The following PCCA variants were observed in gnomAD, a reference collection of about 807,000 sequenced individuals.
PCCA encodes the protein propionyl-CoA carboxylase alpha chain, mitochondrial.
In PCCA, 74 loss-of-function variants were observed where a neutral mutation model predicts 101.3. The ratio of observed to expected loss-of-function variants is 0.73; its 90% CI spans 0.61 to 0.89. The LOEUF (loss-of-function observed/expected upper bound fraction) is 0.89. Among genes scored for constraint, PCCA ranks in the 40% least tolerant of loss-of-function variants. The pLI is 0.00. For missense variants in PCCA, 891 were observed against 907.0 expected, an observed-to-expected ratio of 0.98 and a Z score of 0.23; for synonymous variants, 294 against 313.6, an observed-to-expected ratio of 0.94 and a Z score of 0.66.
At chr13:100,404,247 A>G (rs1230946980) in intron 19 of PCCA, among the ~76,000 whole-genome samples, 1 of 152,168 alleles carries the variant, frequency 6.6e-6, no homozygotes, top group Non-Finnish European at 1.5e-5. Context: ...GCACAGGGAG[A>G]AGGAGGCCAA....
At chr13:100,150,639 T>A (rs1191320373) in intron 4 of PCCA, 1 of 1,282,876 alleles carries the variant, frequency 7.8e-7, no homozygotes, top group African/African-American at 1.5e-5. Context: ...TGGACTGATT[T>A]GGTGATCCAT....
intron 8 of PCCA, among the ~76,000 whole-genome samples, chr13:100,236,315 A>G (rs1037266366): frequency 1.3e-5 from 2 of 152,182 alleles, no homozygotes; most frequent in Admixed American, 6.5e-5. Flanking sequence ...GTTAGATGGG[A>G]AAGATAAAAT....
rs1461338048 is a variant in PCCA, at chr13:100,517,289, C to T, written c.2040+1722C>T. 3.3e-5 allele frequency among the ~76,000 whole-genome samples: 5 copies of T among 152,208 alleles called. No homozygotes were observed. The East Asian group carries it at 7.7e-4, about 23-fold the overall frequency. On this transcript the variant is annotated intron_variant, in intron 22 of 23. Transcript: ENST00000376285. The stretch of plus-strand genomic sequence containing the variant: ...AAACGGGGCGCTCCCAAGGCCAGAT[C>T]AGCGCAGCCTTCTGGTTTCTTTAAC...
In PCCA at chr13:100,419,828, GAGA is replaced by G. The variant is rs547579672; in HGVS notation, c.1747-5799_1747-5797del. On this transcript the variant is annotated intron_variant, in intron 19 of 23. Transcript: ENST00000376285. ...GGCCTATGGCTTCGATTTTGGTAAA[GAGA>G]AGAAGTCATCTGCTGAGAGTAGGGG... Among the ~76,000 whole-genome samples the G allele has an allele frequency of 1.8e-4, 27 of 152,362 alleles. No individual in the cohort carries two copies. The South Asian group carries it at 5.2e-3, about 29-fold the overall frequency.
intron 6 of PCCA, among the ~76,000 whole-genome samples, chr13:100,206,009 C>T (rs2058829362): frequency 6.6e-6 from 1 of 152,106 alleles, no homozygotes; most frequent in Non-Finnish European, 1.5e-5. Context: ...TCTCCTCATA[C>T]AGAGCAGCGC....
intron 21 of PCCA, among the ~76,000 whole-genome samples, chr13:100,495,442 G>A (rs533428440): frequency 6.6e-6 from 1 of 152,226 alleles, no homozygotes; most frequent in Non-Finnish European, 1.5e-5. Flanking sequence ...TTCTATTTTT[G>A]TTAACTTGTA....
At chr13:100,527,215 A>G (rs1446435633) in intron 22 of PCCA, 4 of 457,624 alleles carry the variant, frequency 8.7e-6, no homozygotes, top group Non-Finnish European at 1.8e-5. Flanking sequence ...TGTCACCACA[A>G]TCAATTTTGG....
chr13:100,197,715 C>T (rs1219596393), intron 6 of PCCA, among the ~76,000 whole-genome samples: 1 of 152,134 alleles, frequency 6.6e-6, no homozygotes, highest in Admixed American at 6.6e-5. Context: ...CCACTGTGCC[C>T]AGCCTTATCT....
chr13:100,520,042 T>G (rs1164892698), intron 22 of PCCA, among the ~76,000 whole-genome samples: 1 of 152,240 alleles, frequency 6.6e-6, no homozygotes, highest in East Asian at 1.9e-4. Context: ...CACCCAAACC[T>G]CAGATTGTAT....
chr13:100,527,533 T>G (rs2087945668), intron 22 of PCCA, 142 bp from the exon 23 acceptor site: 2 of 699,884 alleles, frequency 2.9e-6, no homozygotes, highest in Non-Finnish European at 5.3e-6. Flanking sequence ...GAGCTTGGAA[T>G]AGGAAACATT....
At chr13:100,528,161 A>G (rs1374950566) in intron 23 of PCCA, among the ~76,000 whole-genome samples, 2 of 152,226 alleles carry the variant, frequency 1.3e-5, no homozygotes, top group South Asian at 2.1e-4. Flanking sequence ...CAAAGGGAAC[A>G]ATTCAGTTGC....
At chr13:100,194,002 C>T (rs901901958) in intron 6 of PCCA, among the ~76,000 whole-genome samples, 40 of 151,312 alleles carry the variant, frequency 2.6e-4, no homozygotes, top group Non-Finnish European at 5.2e-4. Flanking sequence ...ACCTGGGAAG[C>T]GGAGCATGCA....
intron 18 of PCCA, among the ~76,000 whole-genome samples, chr13:100,360,227 G>A (rs1301056770): frequency 1.3e-5 from 2 of 151,472 alleles, no homozygotes; most frequent in African/African-American, 4.9e-5. Context: ...ACTATCATGA[G>A]AACAGCATAG....
At chr13:100,295,835 C>A (rs1015127798) in intron 12 of PCCA, among the ~76,000 whole-genome samples, 2 of 152,200 alleles carry the variant, frequency 1.3e-5, no homozygotes, top group Admixed American at 6.5e-5. Context: ...GCCAAGTTAA[C>A]ACACACTGCG....
intron 12 of PCCA, among the ~76,000 whole-genome samples, chr13:100,278,179 C>T (rs904014427): frequency 6.6e-6 from 1 of 152,078 alleles, no homozygotes; most frequent in African/African-American, 2.4e-5. Context: ...AGATTATTAG[C>T]TGGGAAATCA....
intron 17 of PCCA, among the ~76,000 whole-genome samples, chr13:100,333,080 C>T (rs963645486): frequency 3.3e-5 from 5 of 152,194 alleles, no homozygotes; most frequent in African/African-American, 1.2e-4. Flanking sequence ...TAGAAACACA[C>T]TCCTATATTT....
intron 16 of PCCA, among the ~76,000 whole-genome samples, chr13:100,313,839 A>T (rs1384517718): frequency 6.6e-6 from 1 of 152,138 alleles, no homozygotes; most frequent in South Asian, 2.1e-4. Flanking sequence ...CATTCCTGCA[A>T]AAAAGCACAA....
intron 18 of PCCA, among the ~76,000 whole-genome samples, chr13:100,354,895 G>C (rs1296826058): frequency 6.6e-6 from 1 of 152,100 alleles, no homozygotes; most frequent in African/African-American, 2.4e-5. Context: ...GACTTCATTG[G>C]TTAAAAAAGT....
At chr13:100,480,222 A>G (rs1302120036) in intron 21 of PCCA, 1 of 151,668 alleles carries the variant, frequency 6.6e-6, no homozygotes, top group African/African-American at 2.4e-5. Context: ...CCATATTACT[A>G]CCAAAAATTA....
Sources: gnomAD v4.1 joint callset for allele counts (sites outside exome capture counted in the v4.1 genomes callset) on GRCh38, gnomAD v4.1.1 for gene constraint, MANE v1.5 for transcripts, NCBI Gene and HGNC (gene_info 2026-07-23, HGNC 2026-07-21) for gene names.